The following POLR3A variants were observed in gnomAD, a reference collection of about 807,000 sequenced individuals.
POLR3A encodes the protein DNA-directed RNA polymerase III subunit RPC1.
A neutral mutation model predicts 152.8 loss-of-function variants in POLR3A; 112 were observed. The ratio of observed to expected loss-of-function variants is 0.73; its 90% CI spans 0.63 to 0.86. The LOEUF (loss-of-function observed/expected upper bound fraction) is 0.86. Ranked by LOEUF, POLR3A falls within the 40% of genes least tolerant of loss-of-function variation. POLR3A has a pLI of 0.00. For missense variants in POLR3A, 1,385 were observed against 1,743.1 expected, an observed-to-expected ratio of 0.79 and a Z score of 3.66; for synonymous variants, 615 against 652.1, an observed-to-expected ratio of 0.94 and a Z score of 0.87.
At chr10:78,014,335 A>C (rs536119438) in intron 10 of POLR3A, among the ~76,000 whole-genome samples, 1 of 152,310 alleles carries the variant, frequency 6.6e-6, no homozygotes, top group Non-Finnish European at 1.5e-5. Flanking sequence ...ATAAAAACCC[A>C]TGTGTTTATA....
In POLR3A at chr10:78,029,445, G is replaced by A. The variant is rs1847670618; in HGVS notation, c.-38C>T. On this transcript the variant is annotated 5_prime_UTR_variant, in exon 1 of 31. Transcript: ENST00000372371. The stretch of plus-strand genomic sequence containing the variant: ...CGGGACGCCTCCTTGGCACTCGGGA[G>A]GCCAGATTAGAGAAACGATGCCCCC... 1.9e-6 allele frequency: 3 copies of A among 1,612,164 alleles called. No individual in the cohort carries two copies. Among genetic ancestry groups the A allele is most frequent in the African/African-American group, 1.3e-5 (1 of 74,996 alleles).
chr10:77,991,339 A>G (rs1318992498), intron 20 of POLR3A, among the ~76,000 whole-genome samples, 172 bp from the exon 21 acceptor site: 1 of 152,150 alleles, frequency 6.6e-6, no homozygotes, highest in East Asian at 1.9e-4. Context: ...GAAGGTGAAA[A>G]CTGGATAAAT....
chr10:78,024,820 C>G, intron 4 of POLR3A, 117 bp from the exon 5 acceptor site: 1 of 1,325,734 alleles, frequency 7.5e-7, no homozygotes, highest in Non-Finnish European at 1.1e-6. Flanking sequence ...GATGAGAGGT[C>G]CGTTTCCCAA....
chr10:78,010,107 C>A, intron 12 of POLR3A, 116 bp from the exon 13 acceptor site: 1 of 1,338,178 alleles, frequency 7.5e-7, no homozygotes, highest in Non-Finnish European at 1.0e-6. Flanking sequence ...TTGAAACAAA[C>A]AGCTGCTTAC....
chr10:78,011,043 T>C (rs904213862), intron 11 of POLR3A, among the ~76,000 whole-genome samples: 2 of 152,172 alleles, frequency 1.3e-5, no homozygotes, highest in African/African-American at 4.8e-5. Context: ...AGACGGGGTC[T>C]TACTTTGTTG....
intron 16 of POLR3A, among the ~76,000 whole-genome samples, chr10:78,002,732 C>T (rs1847369750): frequency 6.6e-6 from 1 of 152,060 alleles, no homozygotes; most frequent in African/African-American, 2.4e-5. Flanking sequence ...GAGATGGGGT[C>T]TTGCTATACT....
In POLR3A at chr10:78,024,596, C is replaced by T; in HGVS notation, c.598G>A (p.Ala200Thr). 1 of 1,614,020 alleles carries T rather than the reference C, an allele frequency of 6.2e-7. No homozygotes were observed. The highest frequency in any genetic ancestry group is 8.5e-7 in the Non-Finnish European group (1 of 1,179,994). Reference protein sequence around the residue: ...VSNFLQSFETAIEHNKEVEPL... With the variant: ...VSNFLQSFETTIEHNKEVEPL... ...TCCACTTCTTTATTATGTTCAATGGCTGTTTCAAAAGACTGAAGGAAATTT... is the reference window on the plus strand; with the variant it reads ...TCCACTTCTTTATTATGTTCAATGGTTGTTTCAAAAGACTGAAGGAAATTT... Residue 200 changes from alanine (A) to threonine (T), a missense_variant, in exon 5 of 31, where the codon GCC (alanine) becomes ACC (threonine). Ala to Thr is a moderately conservative substitution (Grantham distance 58, BLOSUM62 0). Transcript: ENST00000372371.
intron 30 of POLR3A, among the ~76,000 whole-genome samples, chr10:77,978,122 G>A (rs879092743): frequency 6.6e-6 from 1 of 152,192 alleles, no homozygotes; most frequent in Admixed American, 6.5e-5. Context: ...GGCCAGGCCA[G>A]GCTTAAGAGC....
chr10:77,976,717 T>C lies in POLR3A; in HGVS notation c.*761A>G, dbSNP rs1847092544. 6.6e-6 allele frequency: 1 copy of C among 152,234 alleles called. No individual in the cohort carries two copies. Among genetic ancestry groups the C allele is most frequent in the Non-Finnish European group, 1.5e-5 (1 of 68,080 alleles). The allele number at this position is 152,234 out of a possible 1,614,324, so 9.4% of individuals were successfully genotyped here. A position where few individuals can be genotyped will look rare whatever the true frequency, so the allele number is the denominator to read the frequency against. On this transcript the variant is annotated 3_prime_UTR_variant, in exon 31 of 31. Transcript: ENST00000372371. ...GCTTCCATAGGCCATGGAGAATGGG[T>C]TTGGCTCTTGTCACAGGGTAGAGCC... is the stretch of plus-strand genomic sequence containing the variant.
At chr10:78,028,461 C>T (rs1847658509) in intron 1 of POLR3A, among the ~76,000 whole-genome samples, 2 of 152,166 alleles carry the variant, frequency 1.3e-5, no homozygotes, top group Non-Finnish European at 2.9e-5. Context: ...TAACGTCCAA[C>T]ACTGGGAATA....
chr10:77,994,792 A>T (rs187126836), intron 19 of POLR3A, among the ~76,000 whole-genome samples: 2 of 152,318 alleles, frequency 1.3e-5, no homozygotes, highest in East Asian at 3.9e-4. Flanking sequence ...CAACATTCAA[A>T]TTCAGGAAAT....
In POLR3A at chr10:77,985,457, C is replaced by T. The variant is rs1021030400; in HGVS notation, c.3072-117G>A. On this transcript the variant is annotated intron_variant, in intron 23 of 30. Transcript: ENST00000372371. Reference sequence around the variant, plus strand: ...CAGAGAATATAGATGCTATTAGGGTCGGAAAGGGTATGTCTGTGACAGAGA... The same window carrying T: ...CAGAGAATATAGATGCTATTAGGGTTGGAAAGGGTATGTCTGTGACAGAGA... The T allele has an allele frequency of 3.4e-5, 28 of 831,590 alleles. No individual in the cohort carries two copies. Among genetic ancestry groups the T allele is most frequent in the East Asian group, 3.0e-4 (12 of 40,658 alleles). 51.5% of individuals were successfully genotyped at this position (831,590 alleles called of 1,614,324 possible).
chr10:78,002,091 T>G (rs1847362643), intron 17 of POLR3A, 106 bp downstream of exon 17: 3 of 671,736 alleles, frequency 4.5e-6, no homozygotes, highest in Non-Finnish European at 2.6e-6. Context: ...AAAGATCCCT[T>G]AAATAAATGA....
rs780067891 is a variant in POLR3A at position 78,024,706 on chromosome 10, A to G, written c.491-3T>C. 2 of 1,611,036 alleles carry G rather than the reference A, an allele frequency of 1.2e-6. No individual in the cohort carries two copies. The highest frequency in any genetic ancestry group is 1.3e-5 in the African/African-American group (1 of 74,828). On this transcript the variant is annotated splice_polypyrimidine_tract_variant and splice_region_variant and intron_variant, in intron 4 of 30. Transcript: ENST00000372371. ...CAGTCCACACTTCTTTACGGTACCTATAAGGGTTAGTTTATTTACCAAGAA... is the reference window on the plus strand; with the variant it reads ...CAGTCCACACTTCTTTACGGTACCTGTAAGGGTTAGTTTATTTACCAAGAA...
chr10:78,026,017 C>A, intron 2 of POLR3A, 77 bp downstream of exon 2: 1 of 1,571,286 alleles, frequency 6.4e-7, no homozygotes, highest in Non-Finnish European at 8.7e-7. Flanking sequence ...GAAGCCCCTG[C>A]TCCTTTCAAT....
At position 77,976,283 on chromosome 10, in the gene POLR3A, C is replaced by G. The variant is rs1847088351; in HGVS notation, c.*1195G>C. ...TAGCAGGTACTACAGGCATGGGCCA[C>G]CATGCCTGGCTAATTTTTGTATTCT... On this transcript the variant is annotated 3_prime_UTR_variant, in exon 31 of 31. Coordinates refer to ENST00000372371, the MANE Select transcript of POLR3A (RefSeq NM_007055.4). The G allele has an allele frequency of 6.6e-6, 1 of 151,892 alleles. No homozygotes were observed. The allele number at this position is 151,892 out of a possible 1,614,324, so 9.4% of individuals were successfully genotyped here. A position where few individuals can be genotyped will look rare whatever the true frequency, so the allele number is the denominator to read the frequency against.
In POLR3A at chr10:78,003,373, C is replaced by T. The variant is rs141021403; in HGVS notation, c.2248-1065G>A. 7.5e-3 allele frequency among the ~76,000 whole-genome samples: 1,142 copies of T among 152,306 alleles called. 13 individuals are homozygous for T. Among genetic ancestry groups the T allele is most frequent in the African/African-American group, 0.024 (986 of 41,556 alleles). ...ATGCTTAAAGAGCCTTTCTTCCACA[C>T]TCAGGTGAGTCAAAGCTCAGTGCCA... On this transcript the variant is annotated intron_variant, in intron 16 of 30. Transcript: ENST00000372371.
intron 19 of POLR3A, among the ~76,000 whole-genome samples, chr10:77,996,936 C>T (rs547187996): frequency 6.6e-6 from 1 of 152,246 alleles, no homozygotes; most frequent in Non-Finnish European, 1.5e-5. Context: ...AAACCGAATC[C>T]AGCAGCACAT....
Position 77,982,908 on chromosome 10 carries a change from G to A in POLR3A, c.3430-91C>T, listed in dbSNP as rs1461046793. The A allele has an allele frequency of 3.2e-6, 4 of 1,254,314 alleles. No homozygotes were observed. The African/African-American group carries it at 5.9e-5, about 19-fold the overall frequency. The allele number at this position is 1,254,314 out of a possible 1,614,324, so 77.7% of individuals were successfully genotyped here. On this transcript the variant is annotated intron_variant, in intron 26 of 30. Transcript: ENST00000372371. ...CCCTCTAAGAAGTCCTTTTAGTCAG[G>A]TTTGTTCTAAGCACCCCCCACCCGC...
Sources: gnomAD v4.1 joint callset for allele counts (sites outside exome capture counted in the v4.1 genomes callset) on GRCh38, gnomAD v4.1.1 for gene constraint, MANE v1.5 for transcripts, NCBI Gene and HGNC (gene_info 2026-07-23, HGNC 2026-07-21) for gene names.